The following ZBTB43 variants were observed in gnomAD, a reference collection of about 807,000 sequenced individuals.
The protein encoded by ZBTB43 is zinc finger and BTB domain-containing protein 43.
In ZBTB43, 6 loss-of-function variants were observed where a neutral mutation model predicts 31.1. The ratio of observed to expected loss-of-function variants is 0.19; its 90% CI spans 0.11 to 0.38. The LOEUF is 0.38. Among genes scored for constraint, ZBTB43 ranks in the 10% least tolerant of loss-of-function variants. The pLI is 1.00. For missense variants in ZBTB43, 379 were observed against 602.1 expected (o/e 0.63, Z 3.88); for synonymous variants, 212 against 221.7 (o/e 0.96, Z 0.39).
intron 2 of ZBTB43, among the ~76,000 whole-genome samples, chr9:126,819,983 A>G (rs963915513): frequency 6.6e-6 from 1 of 152,240 alleles, no homozygotes. Context: ...AACTCTCTTC[A>G]TTTCTCTGAA....
intron 2 of ZBTB43, among the ~76,000 whole-genome samples, chr9:126,820,915 C>G (rs1263977049): frequency 7.4e-6 from 1 of 135,766 alleles, no homozygotes; most frequent in Admixed American, 8.7e-5. Context: ...TGCAGTGAGC[C>G]ACAATCGCAC....
upstream of ZBTB43, among the ~76,000 whole-genome samples, chr9:126,804,473 TTTTG>T (rs759988876): frequency 2.7e-5 from 4 of 146,110 alleles, no homozygotes; most frequent in East Asian, 2.2e-4. Flanking sequence ...GTCAAGGTGT[TTTTG>T]TTTGTTTTGT....
intron 2 of ZBTB43, among the ~76,000 whole-genome samples, chr9:126,828,647 TA>T (rs1486618798): frequency 2.8e-5 from 4 of 142,296 alleles, no homozygotes; most frequent in African/African-American, 7.8e-5. Flanking sequence ...ATAATAATAA[TA>T]ATAATAATTA....
In ZBTB43 at chr9:126,838,122, G is replaced by A. The variant is rs2032922026; in HGVS notation, c.*4209G>A. 4 of 166,528 alleles carry A rather than the reference G, an allele frequency of 2.4e-5. No individual in the cohort carries two copies. Among genetic ancestry groups the A allele is most frequent in the African/African-American group, 9.7e-5 (4 of 41,426 alleles). 10.3% of individuals were successfully genotyped at this position (166,528 alleles called of 1,614,324 possible). A position where few individuals can be genotyped will look rare whatever the true frequency, so the allele number is the denominator to read the frequency against. On this transcript the variant is annotated 3_prime_UTR_variant, in exon 3 of 3. Transcript: ENST00000373464. ...ACAGCATGGTTTTACTTAATTGAAT[G>A]TTAATGTTTAATATTTTCTTCTTAT...
intron 2 of ZBTB43, among the ~76,000 whole-genome samples, chr9:126,824,305 A>G (rs552985626): frequency 2.6e-5 from 4 of 152,356 alleles, no homozygotes; most frequent in Non-Finnish European, 2.9e-5. Flanking sequence ...GATTATAGGC[A>G]TGAGCCACTG....
rs150887826 is a variant in ZBTB43, at chr9:126,835,715, A to AAT, written c.*1815_*1816dup. ...ACTTTGTATTTAAAACTTTATTATA[A>AAT]ATATATATATATATTGTTTTTTTTT... is the stretch of plus-strand genomic sequence containing the variant. On this transcript the variant is annotated 3_prime_UTR_variant, in exon 3 of 3. Transcript: ENST00000373464. 0.019 allele frequency: 3,130 copies of AAT among 165,490 alleles called. 114 individuals carry two copies. Among genetic ancestry groups the AAT allele is most frequent in the African/African-American group, 0.071 (2,948 of 41,320 alleles). 10.3% of individuals were successfully genotyped at this position (165,490 alleles called of 1,614,324 possible).
intron 2 of ZBTB43, among the ~76,000 whole-genome samples, chr9:126,813,616 T>C (rs2032298007): frequency 6.6e-6 from 1 of 152,182 alleles, no homozygotes; most frequent in Admixed American, 6.5e-5. Flanking sequence ...TTGCCGTTAG[T>C]GTGATTGGAC....
intron 2 of ZBTB43, among the ~76,000 whole-genome samples, chr9:126,821,600 T>C (rs1588360375): frequency 6.6e-6 from 1 of 152,112 alleles, no homozygotes; most frequent in Non-Finnish European, 1.5e-5. Flanking sequence ...GAATTAGAAG[T>C]GGAGCCTGAA....
chr9:126,830,244 A>T (rs151324607), intron 2 of ZBTB43, among the ~76,000 whole-genome samples: 18 of 152,370 alleles, frequency 1.2e-4, no homozygotes, highest in Admixed American at 9.1e-4. Context: ...TCCCTAACAT[A>T]TCATAATTAC....
At chr9:126,825,572 C>T (rs968105561) in intron 2 of ZBTB43, among the ~76,000 whole-genome samples, 1 of 152,110 alleles carries the variant, frequency 6.6e-6, no homozygotes, top group Non-Finnish European at 1.5e-5. Flanking sequence ...AGAGTCTTTT[C>T]TTCGTGGTTG....
chr9:126,836,852 C>G lies in ZBTB43; in HGVS notation c.*2939C>G. 1 of 159,738 alleles carries G rather than the reference C, an allele frequency of 6.3e-6. No individual in the cohort carries two copies. 9.9% of individuals were successfully genotyped at this position (159,738 alleles called of 1,614,324 possible). ...GGCATGGTGGCTCACGCCTGTAATCCCAGCACTTTGGGAGGCCGAGATGGG... is the reference window on the plus strand; with the variant it reads ...GGCATGGTGGCTCACGCCTGTAATCGCAGCACTTTGGGAGGCCGAGATGGG... On this transcript the variant is annotated 3_prime_UTR_variant, in exon 3 of 3. Transcript: ENST00000373464.
chr9:126,815,691 AC>A (rs1359438291), intron 2 of ZBTB43, among the ~76,000 whole-genome samples: 6 of 144,012 alleles, frequency 4.2e-5, no homozygotes, highest in African/African-American at 1.6e-4. Flanking sequence ...CCCTGTCTGT[AC>A]CTAACATGCT....
chr9:126,817,486 T>G (rs1157690587), intron 2 of ZBTB43, among the ~76,000 whole-genome samples: 1 of 150,626 alleles, frequency 6.6e-6, no homozygotes, highest in Admixed American at 6.6e-5. Flanking sequence ...AGTTTTTTTT[T>G]TTTTTTTGAG....
chr9:126,827,302 G>A (rs1588364847), intron 2 of ZBTB43, among the ~76,000 whole-genome samples: 1 of 152,148 alleles, frequency 6.6e-6, no homozygotes, highest in African/African-American at 2.4e-5. Context: ...AGCCTGAGGG[G>A]GCCAAAACAA....
intron 2 of ZBTB43, among the ~76,000 whole-genome samples, chr9:126,819,649 A>T (rs544963787): frequency 6.6e-6 from 1 of 152,134 alleles, no homozygotes; most frequent in African/African-American, 2.4e-5. Context: ...AGGCCAATTA[A>T]TAAACCTACA....
chr9:126,824,841 T>C (rs1442310785), intron 2 of ZBTB43, among the ~76,000 whole-genome samples: 1 of 152,238 alleles, frequency 6.6e-6, no homozygotes, highest in Admixed American at 6.5e-5. Context: ...TATATATTTC[T>C]TCAAATTGTT....
chr9:126,804,405 C>T (rs1475850867), upstream of ZBTB43, among the ~76,000 whole-genome samples: 1 of 152,148 alleles, frequency 6.6e-6, no homozygotes, highest in Non-Finnish European at 1.5e-5. Context: ...AGATAATCTC[C>T]GCCAGGCATA....
chr9:126,817,463 T>C (rs961403599), intron 2 of ZBTB43, among the ~76,000 whole-genome samples: 1 of 149,384 alleles, frequency 6.7e-6, no homozygotes, highest in Non-Finnish European at 1.5e-5. Flanking sequence ...ACATTGAATA[T>C]AATGTTCCAT....
In ZBTB43 at chr9:126,828,341, G is replaced by A. The variant is rs183076986; in HGVS notation, c.-23-4146G>A. ...TGGGACTACAGGCACCCACCACCGC[G>A]CCTGGCTAATTTTTTGTAGTTTTAG... On this transcript the variant is annotated intron_variant, in intron 2 of 2. Coordinates refer to ENST00000373464, the MANE Select transcript of ZBTB43 (RefSeq NM_014007.4). Among the ~76,000 whole-genome samples the A allele has an allele frequency of 6.8e-3, 1,026 of 151,704 alleles. 9 individuals carry two copies. Among genetic ancestry groups the A allele is most frequent in the African/African-American group, 0.022 (931 of 41,396 alleles).
Sources: allele counts gnomAD v4.1 joint callset (sites outside exome capture counted in the v4.1 genomes callset), GRCh38; gene constraint gnomAD v4.1.1; transcripts MANE v1.5; gene names NCBI Gene and HGNC (gene_info 2026-07-23, HGNC 2026-07-21).